The following BCKDK variants were observed in gnomAD, a reference collection of about 807,000 sequenced individuals.
BCKDK encodes branched-chain alpha-ketoacid dehydrogenase kinase.
Under a neutral mutation model 43.9 loss-of-function variants are expected in BCKDK, and 28 were observed. The ratio of observed to expected loss-of-function variants is 0.64; its 90% CI spans 0.47 to 0.87. The LOEUF (loss-of-function observed/expected upper bound fraction) is 0.87. BCKDK is among the 40% of genes least tolerant of loss of function. BCKDK has a pLI of 0.00. For missense variants in BCKDK, 483 were observed against 581.4 expected, an observed-to-expected ratio of 0.83 and a Z score of 1.74; for synonymous variants, 257 against 234.3, an observed-to-expected ratio of 1.10 and a Z score of -0.88.
chr16:31,109,980 G>A lies in BCKDK; in HGVS notation c.376-97G>A, dbSNP rs1326900278. On this transcript the variant is annotated intron_variant, in intron 4 of 11. Coordinates refer to ENST00000219794, the MANE Select transcript of BCKDK (RefSeq NM_005881.4). This position sits in a 1 kb window ranked among gnomAD's most constrained non-coding sequence, Gnocchi z 5.3. ...GAAGTGGGGGTTTGATCACGTGGTC[G>A]ACCAGCTGGGTGGTGATCCCCATGG... is the stretch of plus-strand genomic sequence containing the variant. 39 of 1,550,702 alleles carry A rather than the reference G, an allele frequency of 2.5e-5. No individual in the cohort carries two copies. Among genetic ancestry groups the A allele is most frequent in the Non-Finnish European group, 3.2e-5 (36 of 1,124,048 alleles).
chr16:31,109,134 C>A lies in BCKDK; in HGVS notation c.-90C>A. 2 of 1,205,130 alleles carry A rather than the reference C, an allele frequency of 1.7e-6. No individual in the cohort carries two copies. Among genetic ancestry groups the A allele is most frequent in the Non-Finnish European group, 2.2e-6 (2 of 908,380 alleles). The allele number at this position is 1,205,130 out of a possible 1,614,324, so 74.7% of individuals were successfully genotyped here. On this transcript the variant is annotated 5_prime_UTR_variant, in exon 2 of 12. Transcript: ENST00000219794. This position sits in a 1 kb window ranked among gnomAD's most constrained non-coding sequence, Gnocchi z 5.3. ...TCGGAGAAGAGCCCCTACCCACCCA[C>A]ACCCCCTTGCCCCATTTTGGGTCGC...
Position 31,111,396 on chromosome 16 carries a change from CCT to C in BCKDK, c.935+8_935+9del, listed in dbSNP as rs2057411631. The C allele has an allele frequency of 1.2e-6, 2 of 1,613,652 alleles. No homozygotes were observed. Among genetic ancestry groups the C allele is most frequent in the African/African-American group, 2.7e-5 (2 of 74,888 alleles). On this transcript the variant is annotated splice_region_variant and intron_variant, in intron 10 of 11. Transcript: ENST00000219794. Reference sequence around the variant, plus strand: ...ATGTCGATCTGATCATCAGGTTTGCCCTGAGTGGGAGTTGAGCTGAGGTGGAT... The same window carrying C: ...ATGTCGATCTGATCATCAGGTTTGCCGAGTGGGAGTTGAGCTGAGGTGGAT...
downstream of BCKDK, among the ~76,000 whole-genome samples, chr16:31,115,325 C>G (rs1422523960): frequency 6.6e-6 from 1 of 150,758 alleles, no homozygotes; most frequent in African/African-American, 2.4e-5. Flanking sequence ...CAGGTTCAAG[C>G]GGTTCTCCTG....
intron 10 of BCKDK, 152 bp downstream of exon 10, chr16:31,111,541 T>G: frequency 1.1e-6 from 1 of 926,988 alleles, no homozygotes; most frequent in South Asian, 1.6e-5. Context: ...GAGATGGCCA[T>G]GAGCTGCTTA....
In BCKDK at chr16:31,112,008, C is replaced by G; in HGVS notation, c.1075C>G (p.Gln359Glu). The change falls in exon 11 of 12, where the codon CAG becomes GAG. Residue 359 changes from glutamine to glutamate, a missense_variant. Transcript: ENST00000219794. This position sits in a 1 kb window ranked among gnomAD's most constrained non-coding sequence, Gnocchi z 5.0. ...CCATCTGGACATGCATAGTGGCGCC[C>G]AGTCAGGACCCATGCACGGGTGAGA... is the stretch of plus-strand genomic sequence containing the variant. ...FGHLDMHSGAQSGPMHGFGFG... is the reference protein window; with the variant it reads ...FGHLDMHSGAESGPMHGFGFG... 1 of 1,614,108 alleles carries G rather than the reference C, an allele frequency of 6.2e-7. No homozygotes were observed. The highest frequency in any genetic ancestry group is 8.5e-7 in the Non-Finnish European group (1 of 1,180,018).
downstream of BCKDK, among the ~76,000 whole-genome samples, chr16:31,113,291 C>G (rs2057428260): frequency 6.6e-6 from 1 of 152,192 alleles, no homozygotes; most frequent in African/African-American, 2.4e-5. Context: ...CATCTCCTAC[C>G]CTTCACGGGG....
Position 31,110,884 on chromosome 16 carries a change from T to G in BCKDK, c.716+123T>G. ...TTCTCAACCATGGCACTATTGACAT[T>G]TCCAGCCAGATAATTCTTTGTCACA... On this transcript the variant is annotated intron_variant, in intron 8 of 11. Transcript: ENST00000219794. The surrounding 1 kb of genome is among the most constrained non-coding windows in gnomAD (Gnocchi z 5.4). The G allele has an allele frequency of 7.2e-7, 1 of 1,393,146 alleles. No homozygotes were observed. Among genetic ancestry groups the G allele is most frequent in the Non-Finnish European group, 1.0e-6 (1 of 997,770 alleles). The allele number at this position is 1,393,146 out of a possible 1,614,324, so 86.3% of individuals were successfully genotyped here.
Position 31,112,231 on chromosome 16 carries a change from A to G in BCKDK, c.1205A>G (p.His402Arg), listed in dbSNP as rs529218478. 1.2e-6 allele frequency: 2 copies of G among 1,611,234 alleles called. No individual in the cohort carries two copies. The highest frequency in any genetic ancestry group is 1.7e-6 in the Non-Finnish European group (2 of 1,179,986). The change falls in exon 12 of 12, where the codon CAC becomes CGC. Residue 402 changes from histidine (H) to arginine (R), a missense_variant. Transcript: ENST00000219794. This position sits in a 1 kb window ranked among gnomAD's most constrained non-coding sequence, Gnocchi z 5.0. ...IGTDVYLRLR[H>R]IDGREESFRI ...ACGGACGTCTACCTGCGGCTCCGCC[A>G]CATCGATGGCCGGGAGGAAAGCTTC...
In BCKDK at chr16:31,109,056, G is replaced by A; in HGVS notation, c.-168G>A. The A allele has an allele frequency of 1.8e-6, 1 of 562,766 alleles. No homozygotes were observed. The highest frequency in any genetic ancestry group is 3.0e-6 in the Non-Finnish European group (1 of 334,126). The allele number at this position is 562,766 out of a possible 1,614,324, so 34.9% of individuals were successfully genotyped here. ...TTCCCCGCCCCGGTAGATGGGAGCTGCTCTCCGCGGGCTGAGCCTGTCAGC... is the reference window on the plus strand; with the variant it reads ...TTCCCCGCCCCGGTAGATGGGAGCTACTCTCCGCGGGCTGAGCCTGTCAGC... On this transcript the variant is annotated 5_prime_UTR_variant, in exon 2 of 12. Transcript: ENST00000219794. This position sits in a 1 kb window ranked among gnomAD's most constrained non-coding sequence, Gnocchi z 5.3.
At chr16:31,111,581 A>AG (rs2057412737) in intron 10 of BCKDK, among the ~76,000 whole-genome samples, 192 bp downstream of exon 10, 1 of 152,158 alleles carries the variant, frequency 6.6e-6, no homozygotes, top group Non-Finnish European at 1.5e-5. Flanking sequence ...CTGCAGGCCT[A>AG]GGTATCCTGC....
At chr16:31,116,461 T>A, downstream of BCKDK, among the ~76,000 whole-genome samples, 1 of 151,032 alleles carries the variant, frequency 6.6e-6, no homozygotes, top group Middle Eastern at 3.2e-3. Context: ...CCTCTCAAAG[T>A]GCTGAGATTA....
At chr16:31,117,584 C>T (rs1011217676), downstream of BCKDK, 4 of 1,032,730 alleles carry the variant, frequency 3.9e-6, no homozygotes, top group Admixed American at 4.1e-5. Flanking sequence ...CATCACAGAC[C>T]CCGCCCTCAA....
At chr16:31,111,449 T>C (rs1224919924) in intron 10 of BCKDK, 60 bp downstream of exon 10, 17 of 1,563,632 alleles carry the variant, frequency 1.1e-5, no homozygotes, top group Non-Finnish European at 1.5e-5. Flanking sequence ...GCACTGTTTC[T>C]GACTTGATTT....
intron 10 of BCKDK, 49 bp from the exon 11 acceptor site, chr16:31,111,820 G>A (rs1323781981): frequency 1.2e-6 from 2 of 1,606,646 alleles, no homozygotes; most frequent in South Asian, 2.2e-5. Flanking sequence ...GGGGTGGTGA[G>A]TACCCCATCA....
At chr16:31,112,858 A>C, downstream of BCKDK, 1 of 175,408 alleles carries the variant, frequency 5.7e-6, no homozygotes, top group Non-Finnish European at 1.2e-5. This position sits in a 1 kb window ranked among gnomAD's most constrained non-coding sequence, Gnocchi z 5.0. Flanking sequence ...ATCAGTTTTG[A>C]CTCTTCCTTT....
chr16:31,110,745 T>A lies in BCKDK; in HGVS notation c.700T>A (p.Trp234Arg). The A allele has an allele frequency of 6.2e-7, 1 of 1,613,818 alleles. No individual in the cohort carries two copies. Among genetic ancestry groups the A allele is most frequent in the Non-Finnish European group, 8.5e-7 (1 of 1,179,928 alleles). ...RLSPKKIIEK[W>R]VDFARRLCEH... Reference sequence around the variant, plus strand: ...CTCACCAAAGAAGATTATTGAGAAGTGGGTGGACTTTGCCAGGTGAGGCAA... The same window carrying A: ...CTCACCAAAGAAGATTATTGAGAAGAGGGTGGACTTTGCCAGGTGAGGCAA... The change falls in exon 8 of 12, where the codon TGG becomes AGG. Residue 234 changes from tryptophan (W) to arginine (R), a missense_variant. Physicochemically the swap from Trp to Arg is moderately radical, Grantham distance 101. Coordinates refer to ENST00000219794, the MANE Select transcript of BCKDK (RefSeq NM_005881.4). This position sits in a 1 kb window ranked among gnomAD's most constrained non-coding sequence, Gnocchi z 5.4.
chr16:31,114,005 C>T (rs566857495), downstream of BCKDK, among the ~76,000 whole-genome samples: 1 of 152,262 alleles, frequency 6.6e-6, no homozygotes, highest in African/African-American at 2.4e-5. Flanking sequence ...ATTAATTTCT[C>T]CACTTGGCAG....
At position 31,109,896 on chromosome 16, in the gene BCKDK, G is replaced by A; in HGVS notation, c.375+113G>A. On this transcript the variant is annotated intron_variant, in intron 4 of 11. Coordinates refer to ENST00000219794, the MANE Select transcript of BCKDK (RefSeq NM_005881.4). The surrounding 1 kb of genome is among the most constrained non-coding windows in gnomAD (Gnocchi z 5.3). Reference sequence around the variant, plus strand: ...TGCCTAAAGGTGTCAGGGCCACACAGGATTCAACCCCAGGCCTTCAGAAGC... The same window carrying A: ...TGCCTAAAGGTGTCAGGGCCACACAAGATTCAACCCCAGGCCTTCAGAAGC... 7.2e-7 allele frequency: 1 copy of A among 1,379,600 alleles called. No homozygotes were observed. The highest frequency in any genetic ancestry group is 2.3e-5 in the East Asian group (1 of 42,610). The allele number at this position is 1,379,600 out of a possible 1,614,324, so 85.5% of individuals were successfully genotyped here.
rs1181165180 is a variant in BCKDK, at chr16:31,112,492, A to G, written c.*227A>G. On this transcript the variant is annotated 3_prime_UTR_variant, in exon 12 of 12. Transcript: ENST00000219794. This position sits in a 1 kb window ranked among gnomAD's most constrained non-coding sequence, Gnocchi z 5.0. ...GGGAAGTGGGCACCCTGAGGCCTCCAGCACCAGTTCCGTCATTCTCGTTCC... is the reference window on the plus strand; with the variant it reads ...GGGAAGTGGGCACCCTGAGGCCTCCGGCACCAGTTCCGTCATTCTCGTTCC... The G allele has an allele frequency of 4.5e-6, 3 of 668,442 alleles. No homozygotes were observed. Among genetic ancestry groups the G allele is most frequent in the African/African-American group, 1.8e-5 (1 of 55,924 alleles). 41.4% of individuals were successfully genotyped at this position (668,442 alleles called of 1,614,324 possible).
Sources: gnomAD v4.1 joint callset for allele counts (sites outside exome capture counted in the v4.1 genomes callset) on GRCh38, gnomAD v4.1.1 for gene constraint, Gnocchi (gnomAD v3.1) non-coding constraint, MANE v1.5 for transcripts, NCBI Gene and HGNC (gene_info 2026-07-23, HGNC 2026-07-21) for gene names.